TBC1D22A: variants seen among roughly 807,000 people sequenced by gnomAD.
TBC1D22A encodes the protein putative GTPase activator.
TBC1D22A carries 38 observed loss-of-function variants against 60.2 expected under a neutral mutation model. That is an observed-to-expected ratio of 0.63 (90% CI 0.49 to 0.83). TBC1D22A has a LOEUF of 0.83. Among genes scored for constraint, TBC1D22A ranks in the 40% least tolerant of loss-of-function variants. The pLI, the probability that TBC1D22A is intolerant of heterozygous loss-of-function variation, is 0.00. For synonymous variants in TBC1D22A, 302 were observed against 281.7 expected (o/e 1.07, Z -0.72); for missense variants, 628 against 701.0 (o/e 0.90, Z 1.18).
At chr22:46,897,645 TTTTTGTG>T (rs1569189521) in intron 7 of TBC1D22A, among the ~76,000 whole-genome samples, 11 of 119,008 alleles carry the variant, frequency 9.2e-5, no homozygotes, top group Middle Eastern at 6.0e-3. Flanking sequence ...GTTTTGTTTT[TTTTTGTG>T]TTTTTTTTTT....
intron 5 of TBC1D22A, among the ~76,000 whole-genome samples, chr22:46,889,908 A>T (rs1287304771): frequency 6.6e-6 from 1 of 152,208 alleles, no homozygotes; most frequent in Non-Finnish European, 1.5e-5. Flanking sequence ...TCCTTGGAGC[A>T]GGAGTTACAT....
At chr22:47,045,766 C>T (rs2063011285) in intron 11 of TBC1D22A, among the ~76,000 whole-genome samples, 1 of 152,176 alleles carries the variant, frequency 6.6e-6, no homozygotes, top group Non-Finnish European at 1.5e-5. Flanking sequence ...TCTCCAACCA[C>T]AGCAACCTGT....
intron 8 of TBC1D22A, among the ~76,000 whole-genome samples, chr22:46,919,056 T>C (rs536847041): frequency 2.0e-5 from 3 of 152,214 alleles, no homozygotes; most frequent in African/African-American, 7.2e-5. Flanking sequence ...GAAAGATTTT[T>C]AGAATATTTA....
chr22:47,117,760 A>G (rs1381027629), intron 12 of TBC1D22A, among the ~76,000 whole-genome samples: 1 of 152,216 alleles, frequency 6.6e-6, no homozygotes, highest in Non-Finnish European at 1.5e-5. Flanking sequence ...TTAAAACTGT[A>G]TAAAACATAC....
intron 4 of TBC1D22A, among the ~76,000 whole-genome samples, chr22:46,862,153 T>C (rs1046711570): frequency 6.6e-6 from 1 of 152,112 alleles, no homozygotes; most frequent in South Asian, 2.1e-4. Flanking sequence ...TGTTAATGAG[T>C]GAGTGTGAAG....
At chr22:47,058,595 C>T (rs1337436851) in intron 11 of TBC1D22A, among the ~76,000 whole-genome samples, 1 of 151,856 alleles carries the variant, frequency 6.6e-6, no homozygotes, top group African/African-American at 2.4e-5. Context: ...GGCCACTGTC[C>T]CCTGGTTCCG....
chr22:47,022,792 C>T (rs982004817), intron 10 of TBC1D22A, among the ~76,000 whole-genome samples: 2 of 152,118 alleles, frequency 1.3e-5, no homozygotes, highest in African/African-American at 4.8e-5. Context: ...AAGGGTTTTC[C>T]TTCAGTAGTG....
In TBC1D22A at chr22:47,052,337, C is replaced by T. The variant is rs116370309; in HGVS notation, c.1329+15139C>T. 2.7e-3 allele frequency among the ~76,000 whole-genome samples: 410 copies of T among 152,316 alleles called. 1 individual carries two copies. The highest frequency in any genetic ancestry group is 9.4e-3 in the African/African-American group (390 of 41,578). ...TGCGGCCTGTGTGGCCTCCTGGTAC[C>T]AGCCAGGGAGGCCCCTGGGAGGGGC... On this transcript the variant is annotated intron_variant, in intron 11 of 12. Coordinates refer to ENST00000337137, the MANE Select transcript of TBC1D22A (RefSeq NM_014346.5).
At chr22:47,010,484 C>T (rs2061722021) in intron 10 of TBC1D22A, among the ~76,000 whole-genome samples, 8 of 152,302 alleles carry the variant, frequency 5.3e-5, no homozygotes, top group Admixed American at 4.6e-4. Flanking sequence ...TGTGTGTGGA[C>T]TTTCTGGGAG....
At chr22:47,150,298 G>A (rs577921525) in intron 12 of TBC1D22A, among the ~76,000 whole-genome samples, 83 of 152,194 alleles carry the variant, frequency 5.5e-4, no homozygotes, top group African/African-American at 1.8e-3. Flanking sequence ...GGGAGTGGGC[G>A]GCCCTCCTGG....
intron 11 of TBC1D22A, among the ~76,000 whole-genome samples, chr22:47,064,306 G>C (rs181013115): frequency 6.6e-6 from 1 of 152,370 alleles, no homozygotes; most frequent in East Asian, 1.9e-4. Context: ...CGGTCATGCC[G>C]CTCTAAGCCA....
chr22:47,080,082 A>G (rs2064399496), intron 11 of TBC1D22A, among the ~76,000 whole-genome samples: 2 of 152,366 alleles, frequency 1.3e-5, no homozygotes, highest in South Asian at 2.1e-4. Context: ...CCAAAAACGT[A>G]TAAACTACCC....
chr22:47,173,826 A>T lies in TBC1D22A; in HGVS notation c.*200A>T, dbSNP rs1393963480. On this transcript the variant is annotated 3_prime_UTR_variant, in exon 13 of 13. Transcript: ENST00000337137. Reference sequence around the variant, plus strand: ...ACAGGGACAGCCTTTGTTTTCTGAGATACCAAAGAGAGCCAGGGGAGGGCC... The same window carrying T: ...ACAGGGACAGCCTTTGTTTTCTGAGTTACCAAAGAGAGCCAGGGGAGGGCC... 2 of 879,836 alleles carry T rather than the reference A, an allele frequency of 2.3e-6. No homozygotes were observed. The highest frequency in any genetic ancestry group is 1.7e-5 in the African/African-American group (1 of 58,546). 54.5% of individuals were successfully genotyped at this position (879,836 alleles called of 1,614,324 possible).
At chr22:47,095,171 A>G (rs1302463711) in intron 11 of TBC1D22A, among the ~76,000 whole-genome samples, 1 of 152,256 alleles carries the variant, frequency 6.6e-6, no homozygotes, top group Admixed American at 6.5e-5. Context: ...CTGGTGATGA[A>G]TATTTCAAAG....
intron 10 of TBC1D22A, among the ~76,000 whole-genome samples, chr22:47,006,295 C>T (rs2061590519): frequency 6.6e-6 from 1 of 152,206 alleles, no homozygotes; most frequent in Non-Finnish European, 1.5e-5. Context: ...GTGCAGGCAT[C>T]GCAGTGAGGC....
intron 8 of TBC1D22A, among the ~76,000 whole-genome samples, chr22:46,951,258 A>T (rs1218917445): frequency 1.3e-5 from 2 of 152,150 alleles, no homozygotes; most frequent in Non-Finnish European, 2.9e-5. Flanking sequence ...TGTAGCTCTA[A>T]TGGTATTTAT....
chr22:46,813,729 T>TG (rs1185710607), intron 4 of TBC1D22A, among the ~76,000 whole-genome samples: 24 of 152,068 alleles, frequency 1.6e-4, no homozygotes, highest in African/African-American at 5.6e-4. Flanking sequence ...GGGATTTGGC[T>TG]GGGGGTGGGA....
chr22:46,882,578 G>A (rs563498113), intron 5 of TBC1D22A, among the ~76,000 whole-genome samples: 9 of 152,296 alleles, frequency 5.9e-5, no homozygotes, highest in South Asian at 2.1e-4. Flanking sequence ...GGCCTGGGGC[G>A]TTGGAGGGCC....
chr22:47,018,269 T>C (rs1045978649), intron 10 of TBC1D22A, among the ~76,000 whole-genome samples: 1 of 152,260 alleles, frequency 6.6e-6, no homozygotes, highest in Admixed American at 6.5e-5. Context: ...AGTTTCTGCG[T>C]GTTCTGCTGG....
Sources: allele counts gnomAD v4.1 joint callset (sites outside exome capture counted in the v4.1 genomes callset), GRCh38; gene constraint gnomAD v4.1.1; transcripts MANE v1.5; gene names NCBI Gene and HGNC (gene_info 2026-07-23, HGNC 2026-07-21).